Variants in ITPR3 observed in about 807,000 individuals in gnomAD.
The protein encoded by ITPR3 is inositol 1,4,5-trisphosphate-gated calcium channel ITPR3.
Under a neutral mutation model 293.2 loss-of-function variants are expected in ITPR3, and 173 were observed. The ratio of observed to expected loss-of-function variants is 0.59; its 90% confidence interval spans 0.52 to 0.67. The LOEUF (loss-of-function observed/expected upper bound fraction) is 0.67. ITPR3 is among the 30% of genes least tolerant of loss of function. The pLI, the probability that ITPR3 is intolerant of heterozygous loss-of-function variation, is 0.00. For missense variants in ITPR3, 2,796 were observed against 3,592.1 expected, an observed-to-expected ratio of 0.78 and a Z score of 5.66; for synonymous variants, 1,295 against 1,444.4, an observed-to-expected ratio of 0.90 and a Z score of 2.35.
intron 2 of ITPR3, among the ~76,000 whole-genome samples, chr6:33,644,924 A>G (rs905755117): frequency 1.1e-4 from 17 of 149,286 alleles, no homozygotes; most frequent in African/African-American, 3.9e-4. Context: ...TTGGCCTCCC[A>G]AAGTGTTGGG....
At chr6:33,629,089 TACA>T (rs1238094194) in intron 1 of ITPR3, among the ~76,000 whole-genome samples, 1 of 152,230 alleles carries the variant, frequency 6.6e-6, no homozygotes, top group Non-Finnish European at 1.5e-5. Flanking sequence ...GAGGCATAAA[TACA>T]ATTCAGGAAA....
chr6:33,680,355 G>T lies in ITPR3; in HGVS notation c.4251G>T (p.Val1417=). ...TGAAAATGGCCTATGTGAACTTCGT[G>T]AACCACTGCTACGTGGACACGGAGG... The part of the protein sequence containing the change: ...TEVKMAYVNF[V]NHCYVDTEVE... Residue 1417 remains valine, a synonymous_variant, in exon 32 of 58, where the codon GTG becomes GTT. Transcript: ENST00000605930. 6.2e-7 allele frequency: 1 copy of T among 1,613,730 alleles called. No individual in the cohort carries two copies. Among genetic ancestry groups the T allele is most frequent in the Non-Finnish European group, 8.5e-7 (1 of 1,179,990 alleles).
chr6:33,663,368 T>A, intron 9 of ITPR3, 132 bp from the exon 10 acceptor site: 2 of 785,914 alleles, frequency 2.5e-6, no homozygotes, highest in Non-Finnish European at 2.1e-6. Flanking sequence ...TGGAATGATA[T>A]GGGCACCCCT....
At position 33,680,461 on chromosome 6, in the gene ITPR3, C is replaced by G; in HGVS notation, c.4350+7C>G. The G allele has an allele frequency of 1.9e-6, 3 of 1,612,562 alleles. No individual in the cohort carries two copies. Among genetic ancestry groups the G allele is most frequent in the Non-Finnish European group, 2.5e-6 (3 of 1,179,744 alleles). On this transcript the variant is annotated splice_region_variant and intron_variant, in intron 32 of 57. Coordinates refer to ENST00000605930, the MANE Select transcript of ITPR3 (RefSeq NM_002224.4). ...CACCCTGGACATGGCCCGGGTCTGTCCCTGTGAGGGGTGTGGGTGAAGCCC... is the reference window on the plus strand; with the variant it reads ...CACCCTGGACATGGCCCGGGTCTGTGCCTGTGAGGGGTGTGGGTGAAGCCC...
chr6:33,694,479 G>A (rs866899), intron 56 of ITPR3: 2,666 of 223,642 alleles, frequency 0.012, 29 homozygotes, highest in Middle Eastern at 0.023. Flanking sequence ...TCTCCTCAGC[G>A]GAGCCTCCTG....
rs756479384 is a variant in ITPR3 at position 33,684,800 on chromosome 6, G to A, written c.5164G>A (p.Ala1722Thr). The change falls in exon 39 of 58, where the codon GCA (alanine) becomes ACA (threonine). Residue 1722 changes from alanine (A) to threonine (T), a missense_variant. Around this residue, in one of 8 missense-constraint regions of ITPR3, gnomAD observed 704 missense variants for 797.5 expected, o/e 0.88. Coordinates refer to ENST00000605930, the MANE Select transcript of ITPR3 (RefSeq NM_002224.4). This position sits in a 1 kb window ranked among gnomAD's most constrained non-coding sequence, Gnocchi z 4.2. ...TGLDPDWSAI[A>T]ATQCRLDKEG... ...CCTGGACCCAGACTGGTCGGCAATC[G>A]CAGCCACCCAGTGCCGGCTGGACAA... 5.0e-6 allele frequency: 8 copies of A among 1,612,716 alleles called. No individual in the cohort carries two copies. The highest frequency in any genetic ancestry group is 1.3e-5 in the African/African-American group (1 of 75,026).
chr6:33,691,192 C>A lies in ITPR3; in HGVS notation c.7225+83C>A. On this transcript the variant is annotated intron_variant, in intron 52 of 57. Transcript: ENST00000605930. The surrounding 1 kb of genome is among the most constrained non-coding windows in gnomAD (Gnocchi z 4.9). ...TGTCTGGCGTCAGGACCAGGACCTGCAGCGCTTACCTCACCAGGCTCCCGT... is the reference window on the plus strand; with the variant it reads ...TGTCTGGCGTCAGGACCAGGACCTGAAGCGCTTACCTCACCAGGCTCCCGT... 1.5e-6 allele frequency: 2 copies of A among 1,322,646 alleles called. No individual in the cohort carries two copies. Among genetic ancestry groups the A allele is most frequent in the Non-Finnish European group, 2.1e-6 (2 of 935,540 alleles). 81.9% of individuals were successfully genotyped at this position (1,322,646 alleles called of 1,614,324 possible). A position where few individuals can be genotyped will look rare whatever the true frequency, so the allele number is the denominator to read the frequency against.
rs188344393 is a variant in ITPR3, at chr6:33,687,702, G to T, written c.6264+138G>T. 1.4e-5 allele frequency: 10 copies of T among 718,710 alleles called. No homozygotes were observed. In the Admixed American group the frequency reaches 1.5e-4, roughly 11 times the overall value. The allele number at this position is 718,710 out of a possible 1,614,324, so 44.5% of individuals were successfully genotyped here. A position where few individuals can be genotyped will look rare whatever the true frequency, so the allele number is the denominator to read the frequency against. ...AGAATTTGGGGGTACAGCTCAGGGGGCTGATTGGGACTGGCAGCCGTGGGT... is the reference window on the plus strand; with the variant it reads ...AGAATTTGGGGGTACAGCTCAGGGGTCTGATTGGGACTGGCAGCCGTGGGT... On this transcript the variant is annotated intron_variant, in intron 46 of 57. Transcript: ENST00000605930. This position sits in a 1 kb window ranked among gnomAD's most constrained non-coding sequence, Gnocchi z 5.3.
chr6:33,677,657 C>T, intron 28 of ITPR3, 28 bp downstream of exon 28: 1 of 1,609,240 alleles, frequency 6.2e-7, no homozygotes, highest in Non-Finnish European at 8.5e-7. Flanking sequence ...CCTCTGACTC[C>T]CCAGGGTGGC....
chr6:33,685,999 G>T, intron 41 of ITPR3, 54 bp from the exon 42 acceptor site: 1 of 1,597,400 alleles, frequency 6.3e-7, no homozygotes. Context: ...TCCCAGGCCA[G>T]CCTCCCTCTC....
At position 33,693,715 on chromosome 6, in the gene ITPR3, G is replaced by T; in HGVS notation, c.7785+10G>T. 3.7e-6 allele frequency: 6 copies of T among 1,613,448 alleles called. No homozygotes were observed. The highest frequency in any genetic ancestry group is 5.1e-6 in the Non-Finnish European group (6 of 1,179,620). On this transcript the variant is annotated intron_variant, in intron 56 of 57. Coordinates refer to ENST00000605930, the MANE Select transcript of ITPR3 (RefSeq NM_002224.4). ...GGCCCAGATGATCAAGGTGTGAGCA[G>T]GGGCTGTGCCAGGCCTGTGGGCCCA...
At chr6:33,640,644 G>A in intron 2 of ITPR3, 90 bp downstream of exon 2, 2 of 1,120,324 alleles carry the variant, frequency 1.8e-6, no homozygotes, top group Non-Finnish European at 2.6e-6. Flanking sequence ...TTCAGCCCCA[G>A]TGGCTGGATT....
chr6:33,692,925 C>A lies in ITPR3; in HGVS notation c.7624+32C>A. ...GCTGCTTCCTGCTCTGTGGAGGCCG[C>A]AGCGGGGCTGGAACGTCATCTGATG... On this transcript the variant is annotated intron_variant, in intron 55 of 57. Transcript: ENST00000605930. This position sits in a 1 kb window ranked among gnomAD's most constrained non-coding sequence, Gnocchi z 4.2. 1 of 1,608,308 alleles carries A rather than the reference C, an allele frequency of 6.2e-7. No homozygotes were observed. Among genetic ancestry groups the A allele is most frequent in the African/African-American group, 1.3e-5 (1 of 74,958 alleles).
Position 33,686,396 on chromosome 6 carries a change from T to C in ITPR3, c.5869-13T>C, listed in dbSNP as rs1765231877. The C allele has an allele frequency of 6.2e-7, 1 of 1,611,430 alleles. No individual in the cohort carries two copies. The highest frequency in any genetic ancestry group is 8.5e-7 in the Non-Finnish European group (1 of 1,177,666). Reference sequence around the variant, plus strand: ...AGGGCCTGGGCCCTGTGTCCCCCACTGCCTCCTGCCAGACTTGCATTGTGA... The same window carrying C: ...AGGGCCTGGGCCCTGTGTCCCCCACCGCCTCCTGCCAGACTTGCATTGTGA... On this transcript the variant is annotated splice_polypyrimidine_tract_variant and intron_variant, in intron 42 of 57. Transcript: ENST00000605930.
intron 2 of ITPR3, among the ~76,000 whole-genome samples, chr6:33,646,437 T>G (rs1413950544): frequency 7.0e-6 from 1 of 143,160 alleles, no homozygotes; most frequent in Non-Finnish European, 1.5e-5. Flanking sequence ...CTTCCAGTGT[T>G]CCATTCTGCA....
Position 33,688,705 on chromosome 6 carries a change from C to T in ITPR3, c.6618C>T (p.Ser2206=). The change falls in exon 49 of 58, where the codon AGC becomes AGT. Residue 2206 remains serine, a synonymous_variant. Transcript: ENST00000605930. ...WFSRRMTLWG[S]ISFNLAVFIN... ...CCCGCCGCATGACCCTGTGGGGCAG[C>T]ATCTCCTTCAACCTGGCCGTGTTTA... is the stretch of plus-strand genomic sequence containing the variant. 3 of 1,614,230 alleles carry T rather than the reference C, an allele frequency of 1.9e-6. No individual in the cohort carries two copies. The highest frequency in any genetic ancestry group is 2.5e-6 in the Non-Finnish European group (3 of 1,180,040).
intron 31 of ITPR3, 27 bp from the exon 32 acceptor site, chr6:33,680,302 G>T (rs561843685): frequency 6.2e-7 from 1 of 1,603,054 alleles, no homozygotes; most frequent in Non-Finnish European, 8.5e-7. Context: ...CCCTGCTTGC[G>T]CCCCTGACCT....
In ITPR3 at chr6:33,688,107, A is replaced by G; in HGVS notation, c.6315A>G (p.Pro2105=). ...QLSQMLKSSA[P]AQEEEEDPLA... ...CACAGATGCTCAAGTCCTCAGCGCC[A>G]GCACAGGAGGAGGAGGAAGACCCCC... Residue 2105 remains proline (P), a synonymous_variant, in exon 47 of 58, where the codon CCA becomes CCG. Transcript: ENST00000605930. 6.2e-7 allele frequency: 1 copy of G among 1,614,148 alleles called. No individual in the cohort carries two copies. The highest frequency in any genetic ancestry group is 8.5e-7 in the Non-Finnish European group (1 of 1,180,002).
intron 55 of ITPR3, 66 bp from the exon 56 acceptor site, chr6:33,693,479 C>T: frequency 1.3e-6 from 2 of 1,557,018 alleles, no homozygotes; most frequent in Non-Finnish European, 1.8e-6. Context: ...TGGGTCCCCT[C>T]CAGCAGGTGA....
Sources: gnomAD v4.1 joint callset for allele counts (sites outside exome capture counted in the v4.1 genomes callset) on GRCh38, gnomAD v4.1.1 for gene constraint, gnomAD v4.1.1 regional missense constraint, Gnocchi (gnomAD v3.1) non-coding constraint, MANE v1.5 for transcripts, NCBI Gene and HGNC (gene_info 2026-07-23, HGNC 2026-07-21) for gene names.